XKR4: variants seen among roughly 807,000 people sequenced by gnomAD.
XKR4 encodes the protein XK related 4, also known as XK-related protein 4.
A neutral mutation model predicts 53.9 loss-of-function variants in XKR4; 12 were observed. The ratio of observed to expected loss-of-function variants is 0.22; its 90% CI spans 0.14 to 0.36. The LOEUF is 0.36. Ranked by LOEUF, XKR4 falls within the 10% of genes least tolerant of loss-of-function variation. XKR4 has a pLI of 1.00. For missense variants in XKR4, 799 were observed against 859.5 expected (o/e 0.93, Z 0.88); for synonymous variants, 354 against 362.4 (o/e 0.98, Z 0.26).
intron 1 of XKR4, among the ~76,000 whole-genome samples, chr8:55,120,814 G>A (rs998223848): frequency 2.0e-5 from 3 of 152,154 alleles, no homozygotes; most frequent in Non-Finnish European, 4.4e-5. Flanking sequence ...TTATCATGAC[G>A]TATCATACAG....
At chr8:55,139,532 G>A (rs1224543678) in intron 1 of XKR4, among the ~76,000 whole-genome samples, 2 of 104,178 alleles carry the variant, frequency 1.9e-5, no homozygotes, top group Non-Finnish European at 4.0e-5. Context: ...AAAAAAGAGT[G>A]CTGGCTTAGC....
chr8:55,362,432 G>C (rs1803919990), intron 2 of XKR4, among the ~76,000 whole-genome samples: 4 of 152,192 alleles, frequency 2.6e-5, no homozygotes, highest in African/African-American at 7.2e-5. Context: ...TTGACTGAGA[G>C]AGAACCTGGT....
intron 2 of XKR4, among the ~76,000 whole-genome samples, chr8:55,459,637 A>G (rs1359919474): frequency 1.3e-5 from 2 of 152,224 alleles, no homozygotes; most frequent in Non-Finnish European, 2.9e-5. Flanking sequence ...TTCACTAAAA[A>G]AAACCAAAAA....
intron 2 of XKR4, among the ~76,000 whole-genome samples, chr8:55,497,923 G>A (rs1320123213): frequency 6.6e-6 from 1 of 152,070 alleles, no homozygotes; most frequent in Middle Eastern, 3.4e-3. Flanking sequence ...CCAGTGGCCC[G>A]GGATCTCCCA....
chr8:55,231,479 G>A (rs1818040747), intron 1 of XKR4, among the ~76,000 whole-genome samples: 1 of 152,180 alleles, frequency 6.6e-6, no homozygotes, highest in Admixed American at 6.5e-5. Flanking sequence ...TTTTGATACA[G>A]GGTCTCACTC....
At chr8:55,264,104 A>T (rs1010779657) in intron 1 of XKR4, among the ~76,000 whole-genome samples, 2 of 152,058 alleles carry the variant, frequency 1.3e-5, no homozygotes, top group East Asian at 3.9e-4. Context: ...TCCTTCCATT[A>T]CTAGAATATG....
intron 1 of XKR4, chr8:55,142,036 C>G (rs1037941290): frequency 5.5e-5 from 25 of 454,342 alleles, no homozygotes; most frequent in African/African-American, 4.4e-4. Flanking sequence ...GGGCTGAACT[C>G]AGAGCCCTGC....
chr8:55,181,296 C>G (rs1585923685), intron 1 of XKR4, among the ~76,000 whole-genome samples: 1 of 152,286 alleles, frequency 6.6e-6, no homozygotes, highest in Middle Eastern at 3.4e-3. Context: ...ACCCTAACAA[C>G]AGTGTCATCT....
chr8:55,165,400 C>A (rs931924921), intron 1 of XKR4, among the ~76,000 whole-genome samples: 8 of 151,920 alleles, frequency 5.3e-5, no homozygotes, highest in African/African-American at 1.9e-4. Context: ...AAACATTAAT[C>A]ATCTGTACCA....
intron 2 of XKR4, among the ~76,000 whole-genome samples, chr8:55,381,056 ATGTCCGCT>A (rs1193863020): frequency 6.6e-6 from 1 of 152,230 alleles, no homozygotes; most frequent in Non-Finnish European, 1.5e-5. Flanking sequence ...GATGCATTAA[ATGTCCGCT>A]TCAAGAGACT....
chr8:55,438,845 G>C (rs575339564), intron 2 of XKR4, among the ~76,000 whole-genome samples: 1 of 152,134 alleles, frequency 6.6e-6, no homozygotes, highest in African/African-American at 2.4e-5. Flanking sequence ...GCACTATCTG[G>C]AGCAACAAGT....
At chr8:55,174,042 G>C (rs374722598) in intron 1 of XKR4, among the ~76,000 whole-genome samples, 1 of 151,064 alleles carries the variant, frequency 6.6e-6, no homozygotes, top group East Asian at 1.9e-4. Context: ...TTTTGGTGTA[G>C]CATCAAATCA....
intron 2 of XKR4, among the ~76,000 whole-genome samples, chr8:55,489,030 A>G (rs4737329): frequency 0.41 from 61,853 of 150,306 alleles, 13,532 homozygotes; most frequent in East Asian, 0.55. Flanking sequence ...AGATTCTCAG[A>G]GCAGTAAAAC....
intron 1 of XKR4, 126 bp downstream of exon 1, chr8:55,103,420 T>G (rs945674876): frequency 2.8e-6 from 4 of 1,441,508 alleles, no homozygotes; most frequent in Non-Finnish European, 3.6e-6. Flanking sequence ...TCCAGTTTTT[T>G]GGGTTTCTTT....
At chr8:55,523,141 CAAAAA>C (rs35183687) in intron 2 of XKR4, 135 bp from the exon 3 acceptor site, 223 of 587,624 alleles carry the variant, frequency 3.8e-4, no homozygotes, top group South Asian at 7.4e-4. Flanking sequence ...GACTCTGTCT[CAAAAA>C]AAAAAAAAAA....
At chr8:55,147,184 G>GA (rs1328035170) in intron 1 of XKR4, among the ~76,000 whole-genome samples, 1 of 152,066 alleles carries the variant, frequency 6.6e-6, no homozygotes, top group African/African-American at 2.4e-5. Context: ...AGGTATATAA[G>GA]AAAATCAAGC....
At chr8:55,153,982 A>G (rs1480084938) in intron 1 of XKR4, among the ~76,000 whole-genome samples, 1 of 152,204 alleles carries the variant, frequency 6.6e-6, no homozygotes, top group East Asian at 1.9e-4. Flanking sequence ...ACACATTGAT[A>G]AACTCATTGC....
chr8:55,359,565 T>C (rs184522409), intron 2 of XKR4, among the ~76,000 whole-genome samples: 1 of 152,300 alleles, frequency 6.6e-6, no homozygotes, highest in Admixed American at 6.5e-5. Flanking sequence ...TTAGTATAAT[T>C]ATACAATTGG....
At chr8:55,195,026 C>A (rs1322515340) in intron 1 of XKR4, among the ~76,000 whole-genome samples, 2 of 152,160 alleles carry the variant, frequency 1.3e-5, no homozygotes, top group African/African-American at 4.8e-5. Context: ...TAAAAAGAAA[C>A]TGCTTCTGTT....
Sources: allele counts gnomAD v4.1 joint callset (sites outside exome capture counted in the v4.1 genomes callset), GRCh38; gene constraint gnomAD v4.1.1; transcripts MANE v1.5; gene names NCBI Gene and HGNC (gene_info 2026-07-23, HGNC 2026-07-21).